NSMAF: variants seen among roughly 807,000 people sequenced by gnomAD.
The protein encoded by NSMAF is protein FAN.
A neutral mutation model predicts 134.9 loss-of-function variants in NSMAF; 90 were observed. The ratio of observed to expected loss-of-function variants is 0.67; its 90% confidence interval spans 0.56 to 0.79. The LOEUF (loss-of-function observed/expected upper bound fraction) is 0.79. Ranked by LOEUF, NSMAF falls within the 30% of genes least tolerant of loss-of-function variation. NSMAF has a pLI of 0.00. For missense variants in NSMAF, 1,010 were observed against 1,119.0 expected, an observed-to-expected ratio of 0.90 and a Z score of 1.39; for synonymous variants, 358 against 389.6, an observed-to-expected ratio of 0.92 and a Z score of 0.96.
intron 21 of NSMAF, 54 bp from the exon 22 acceptor site, chr8:58,595,713 C>A: frequency 9.9e-7 from 1 of 1,008,060 alleles, no homozygotes; most frequent in African/African-American, 1.6e-5. Context: ...CAACAGACAA[C>A]AGCATCAGAT....
At position 58,620,066 on chromosome 8, in the gene NSMAF, G is replaced by A. The variant is rs375728503; in HGVS notation, c.557+3154C>T. On this transcript the variant is annotated intron_variant, in intron 9 of 30. Coordinates refer to ENST00000038176, the MANE Select transcript of NSMAF (RefSeq NM_003580.4). ...AAGGCAATAAACAAGTAAGAGAATG[G>A]GATAATACAGAAATGTCATCTTTGC... Among the ~76,000 whole-genome samples the A allele has an allele frequency of 3.4e-4, 52 of 152,204 alleles. No individual in the cohort carries two copies. The East Asian group carries it at 8.1e-3, about 24-fold the overall frequency.
chr8:58,593,759 C>T (rs576900323), intron 23 of NSMAF, among the ~76,000 whole-genome samples: 9 of 152,322 alleles, frequency 5.9e-5, no homozygotes, highest in East Asian at 5.8e-4. Flanking sequence ...AATGTATAAG[C>T]ATATTAAATA....
intron 6 of NSMAF, among the ~76,000 whole-genome samples, chr8:58,628,884 T>C (rs1439208509): frequency 6.6e-6 from 1 of 152,244 alleles, no homozygotes; most frequent in Non-Finnish European, 1.5e-5. Context: ...TCCAATTTTC[T>C]GACCTGCAAG....
chr8:58,602,356 T>C (rs1327523323), intron 13 of NSMAF, among the ~76,000 whole-genome samples: 4 of 152,190 alleles, frequency 2.6e-5, no homozygotes, highest in Non-Finnish European at 5.9e-5. Flanking sequence ...ATATCTCTAA[T>C]TTGACAATGC....
intron 1 of NSMAF, chr8:58,659,328 A>G: frequency 6.5e-7 from 1 of 1,527,626 alleles, no homozygotes; most frequent in Non-Finnish European, 8.8e-7. Context: ...CCGCGGTGGA[A>G]TCTGGCCTGG....
At chr8:58,604,222 T>C (rs1286518851) in intron 12 of NSMAF, among the ~76,000 whole-genome samples, 1 of 152,170 alleles carries the variant, frequency 6.6e-6, no homozygotes, top group Non-Finnish European at 1.5e-5. Flanking sequence ...CCCCTCGTTT[T>C]CTACTTTTGA....
intron 15 of NSMAF, 29 bp downstream of exon 15, chr8:58,601,416 T>C (rs1563527819): frequency 3.7e-6 from 6 of 1,611,814 alleles, no homozygotes; most frequent in Non-Finnish European, 5.1e-6. Context: ...AAATAAAATT[T>C]AATTGGGGGT....
chr8:58,601,824 T>C (rs763304949), intron 14 of NSMAF, among the ~76,000 whole-genome samples: 2 of 152,216 alleles, frequency 1.3e-5, no homozygotes, highest in Non-Finnish European at 2.9e-5. Flanking sequence ...AATGCCTTCA[T>C]GAAAATAATT....
At position 58,604,952 on chromosome 8, in the gene NSMAF, C is replaced by T. The variant is rs184294854; in HGVS notation, c.868+975G>A. 8.2e-4 allele frequency among the ~76,000 whole-genome samples: 125 copies of T among 152,142 alleles called. 2 individuals are homozygous for T. The highest frequency in any genetic ancestry group is 1.9e-4 in the Non-Finnish European group (13 of 67,998). On this transcript the variant is annotated intron_variant, in intron 12 of 30. Coordinates refer to ENST00000038176, the MANE Select transcript of NSMAF (RefSeq NM_003580.4). The stretch of plus-strand genomic sequence containing the variant: ...TAGAGATGAGGTCAAGCCATGTTGC[C>T]CAGGCTGGTCTCGAACTCCTGGGCT...
chr8:58,641,702 A>T (rs970092314), intron 2 of NSMAF, among the ~76,000 whole-genome samples: 3 of 152,208 alleles, frequency 2.0e-5, no homozygotes, highest in Non-Finnish European at 4.4e-5. Context: ...GTGCTATAAT[A>T]ACCTTGTGCA....
intron 6 of NSMAF, among the ~76,000 whole-genome samples, chr8:58,625,202 C>T (rs1373016154): frequency 1.3e-5 from 2 of 152,154 alleles, no homozygotes; most frequent in Non-Finnish European, 2.9e-5. Flanking sequence ...TTGGTTTTCT[C>T]CTGCCTTCAG....
chr8:58,588,721 C>T (rs899825873), intron 26 of NSMAF: 25 of 1,527,908 alleles, frequency 1.6e-5, no homozygotes, highest in South Asian at 3.4e-5. Flanking sequence ...CACGTGGCCG[C>T]GGCCCTTTTT....
chr8:58,601,277 T>C lies in NSMAF; in HGVS notation c.1280+8A>G. 2 of 1,609,532 alleles carry C rather than the reference T, an allele frequency of 1.2e-6. No individual in the cohort carries two copies. The highest frequency in any genetic ancestry group is 2.2e-5 in the East Asian group (1 of 44,804). On this transcript the variant is annotated splice_region_variant and intron_variant, in intron 16 of 30. Transcript: ENST00000038176. ...TTAAAAATGATAAGCAAGGCATTTG[T>C]ATCAAACCTGTTGAACATTCTATCT...
chr8:58,589,081 T>G (rs1805962153), intron 26 of NSMAF, among the ~76,000 whole-genome samples: 1 of 150,818 alleles, frequency 6.6e-6, no homozygotes, highest in African/African-American at 2.4e-5. Flanking sequence ...ATAAAAAGAA[T>G]GTACATATCA....
intron 1 of NSMAF, chr8:58,659,100 G>C: frequency 8.4e-6 from 7 of 833,802 alleles, no homozygotes; most frequent in East Asian, 4.7e-5. Context: ...GCTCGGTGCC[G>C]CCCGGCGACC....
Position 58,594,279 on chromosome 8 carries a change from C to A in NSMAF, c.1904G>T (p.Gly635Val). 2 of 1,614,028 alleles carry A rather than the reference C, an allele frequency of 1.2e-6. No homozygotes were observed. The highest frequency in any genetic ancestry group is 1.7e-6 in the Non-Finnish European group (2 of 1,179,888). The change falls in exon 23 of 31, where the codon GGA becomes GTA. Residue 635 changes from glycine to valine, a missense_variant. Physicochemically the swap from Gly to Val is moderately radical, Grantham distance 109 (BLOSUM62 -3). Coordinates refer to ENST00000038176, the MANE Select transcript of NSMAF (RefSeq NM_003580.4). ...HYKIHKEAVTGITVSRNGSSV... is the reference protein window; with the variant it reads ...HYKIHKEAVTVITVSRNGSSV... Reference sequence around the variant, plus strand: ...AGATCCATTGCGAGAGACCGTGATTCCAGTAACTGCTCTGCTCAAAAACAA... The same window carrying A: ...AGATCCATTGCGAGAGACCGTGATTACAGTAACTGCTCTGCTCAAAAACAA...
intron 9 of NSMAF, among the ~76,000 whole-genome samples, chr8:58,613,723 T>G (rs191944970): frequency 6.8e-4 from 104 of 152,348 alleles, no homozygotes; most frequent in Non-Finnish European, 2.6e-4. Context: ...ACTATTATAT[T>G]ATAATTGCCT....
At chr8:58,639,286 T>TAA (rs747282052) in intron 2 of NSMAF, among the ~76,000 whole-genome samples, 3 of 107,674 alleles carry the variant, frequency 2.8e-5, no homozygotes, top group Non-Finnish European at 4.1e-5. Context: ...TCCGTCTCAA[T>TAA]AAAAAAAAAA....
chr8:58,586,253 C>CA (rs1302140979), intron 28 of NSMAF: 11 of 621,850 alleles, frequency 1.8e-5, no homozygotes, highest in African/African-American at 1.7e-4. Flanking sequence ...TAAAAATACC[C>CA]AGTCCGGCTT....
Sources: gnomAD v4.1 joint callset for allele counts (sites outside exome capture counted in the v4.1 genomes callset) on GRCh38, gnomAD v4.1.1 for gene constraint, MANE v1.5 for transcripts, NCBI Gene and HGNC (gene_info 2026-07-23, HGNC 2026-07-21) for gene names.